Variants in RFX1 observed in about 807,000 individuals in gnomAD.
RFX1 encodes the protein MHC class II regulatory factor RFX1.
A neutral mutation model predicts 119.6 loss-of-function variants in RFX1; 42 were observed. The observed-to-expected ratio is 0.35, with a 90% CI of 0.27 to 0.45. The LOEUF (loss-of-function observed/expected upper bound fraction) is 0.45. Among genes scored for constraint, RFX1 ranks in the 20% least tolerant of loss-of-function variants. RFX1 has a pLI of 1.00. For missense variants in RFX1, 1,118 were observed against 1,368.1 expected, an observed-to-expected ratio of 0.82 and a Z score of 2.88; for synonymous variants, 628 against 618.5, an observed-to-expected ratio of 1.02 and a Z score of -0.23.
At chr19:13,978,406 G>A (rs1974319858) in intron 7 of RFX1, among the ~76,000 whole-genome samples, 1 of 152,206 alleles carries the variant, frequency 6.6e-6, no homozygotes, top group African/African-American at 2.4e-5. Context: ...GCTATCGCTG[G>A]AGCCATGGAG....
Position 13,965,764 on chromosome 19 carries a change from C to T in RFX1, c.1975G>A (p.Glu659Lys), listed in dbSNP as rs376479334. ...AGGATGGCTTTGGGCAGTCGCTTCT[C>T]GGCCTCGTCATGTCTGCGGGCACCC... ...APPLAVHDEA[E>K]KRLPKAILVL... The change falls in exon 15 of 21, where the codon GAG becomes AAG. Residue 659 changes from glutamate to lysine, a missense_variant. Coordinates refer to ENST00000254325, the MANE Select transcript of RFX1 (RefSeq NM_002918.5). The surrounding 1 kb of genome is among the most constrained non-coding windows in gnomAD (Gnocchi z 4.7). The T allele has an allele frequency of 9.3e-6, 15 of 1,613,544 alleles. No individual in the cohort carries two copies. Among genetic ancestry groups the T allele is most frequent in the African/African-American group, 1.3e-5 (1 of 74,874 alleles).
At chr19:13,962,895 G>A (rs377574659) in intron 20 of RFX1, 31 bp from the exon 21 acceptor site, 2 of 1,537,452 alleles carry the variant, frequency 1.3e-6, no homozygotes, top group Non-Finnish European at 8.8e-7. Flanking sequence ...CCGGCTCGGG[G>A]CGGGGTGGCA....
Position 13,980,578 on chromosome 19 carries a change from G to T in RFX1, c.733C>A (p.Gln245Lys), listed in dbSNP as rs867693847. 6.4e-7 allele frequency: 1 copy of T among 1,567,014 alleles called. No homozygotes were observed. ...HGVQQSVPVT[Q>K]ERSVVQATPQ... ...TGCCCGCCTTGGCCTGGCACCTCTTGGGTGACGGGGACACTCTGCTGGACG... is the reference window on the plus strand; with the variant it reads ...TGCCCGCCTTGGCCTGGCACCTCTTTGGTGACGGGGACACTCTGCTGGACG... Residue 245 changes from glutamine (Q) to lysine (K), a missense_variant, in exon 6 of 21, where the codon CAA becomes AAA. Coordinates refer to ENST00000254325, the MANE Select transcript of RFX1 (RefSeq NM_002918.5). This position sits in a 1 kb window ranked among gnomAD's most constrained non-coding sequence, Gnocchi z 5.1.
rs750340185 is a variant in RFX1 at position 13,972,881 on chromosome 19, CCCGCCG to C, written c.1170_1175del (p.Gly398_Gly399del). On this transcript the variant is annotated inframe_deletion, in exon 9 of 21. Transcript: ENST00000254325. ...CACTGCCACCCCCGCCACCGCCTCC[CCCGCCG>C]CCGCCGCCACCACCACTGCCACCAC... The C allele has an allele frequency of 1.9e-6, 3 of 1,557,936 alleles. No homozygotes were observed. The highest frequency in any genetic ancestry group is 1.2e-5 in the South Asian group (1 of 86,024).
chr19:13,967,076 C>T (rs1159094490), intron 12 of RFX1, among the ~76,000 whole-genome samples: 4 of 152,232 alleles, frequency 2.6e-5, no homozygotes, highest in Admixed American at 1.3e-4. Flanking sequence ...GCACCCAGGG[C>T]ACAGTCAGGA....
At chr19:13,972,592 T>G (rs1442443944) in intron 9 of RFX1, 151 bp downstream of exon 9, 1 of 625,954 alleles carries the variant, frequency 1.6e-6, no homozygotes, top group Admixed American at 3.1e-5. Context: ...CACACAGCAT[T>G]CAATCCCAGG....
In RFX1 at chr19:13,986,638, C is replaced by T. The variant is rs73924098; in HGVS notation, c.320-3043G>A. Among the ~76,000 whole-genome samples, 1,991 of 152,242 alleles carry T rather than the reference C, an allele frequency of 0.013. 50 individuals are homozygous for T. Among genetic ancestry groups the T allele is most frequent in the African/African-American group, 0.045 (1,880 of 41,526 alleles). Reference sequence around the variant, plus strand: ...GCCGGAGATCGCCACTCTGGGCATGCGCAGGAGGCCAGGGAGGCCCCCACT... The same window carrying T: ...GCCGGAGATCGCCACTCTGGGCATGTGCAGGAGGCCAGGGAGGCCCCCACT... On this transcript the variant is annotated intron_variant, in intron 2 of 20. Coordinates refer to ENST00000254325, the MANE Select transcript of RFX1 (RefSeq NM_002918.5). The surrounding 1 kb of genome is among the most constrained non-coding windows in gnomAD (Gnocchi z 4.2).
Position 13,963,208 on chromosome 19 carries a change from G to A in RFX1, c.2638C>T (p.Leu880=), listed in dbSNP as rs1471709244. The change falls in exon 19 of 21, where the codon CTG becomes TTG. Residue 880 remains leucine, a synonymous_variant. Transcript: ENST00000254325. ...TAGTACATGTACTCGTCGTAGAGCAGCCGGATGAGGTGGAAGGAACCGAAG... is the reference window on the plus strand; with the variant it reads ...TAGTACATGTACTCGTCGTAGAGCAACCGGATGAGGTGGAAGGAACCGAAG... ...ASFGSFHLIR[L]LYDEYMYYLI... is the part of the protein sequence containing the mutation. 3 of 1,612,802 alleles carry A rather than the reference G, an allele frequency of 1.9e-6. No homozygotes were observed. Among genetic ancestry groups the A allele is most frequent in the South Asian group, 1.1e-5 (1 of 91,086 alleles).
chr19:13,972,113 G>C (rs1974101533), intron 9 of RFX1, among the ~76,000 whole-genome samples: 1 of 148,884 alleles, frequency 6.7e-6, no homozygotes, highest in African/African-American at 2.5e-5. Context: ...AGGCTGCAGT[G>C]AGCTATGATT....
intron 1 of RFX1, among the ~76,000 whole-genome samples, chr19:14,000,440 T>C: frequency 6.6e-6 from 1 of 151,854 alleles, no homozygotes; most frequent in East Asian, 1.9e-4. Flanking sequence ...TGAGCTGAGA[T>C]TGTGCCACTG....
intron 1 of RFX1, among the ~76,000 whole-genome samples, chr19:13,994,116 C>G (rs1974906256): frequency 6.6e-6 from 1 of 152,014 alleles, no homozygotes; most frequent in Non-Finnish European, 1.5e-5. Flanking sequence ...TGGAGCCCCA[C>G]TCCGCACCCC....
At position 13,980,450 on chromosome 19, in the gene RFX1, G is replaced by A. The variant is rs560542679; in HGVS notation, c.738+123C>T. 15 of 611,146 alleles carry A rather than the reference G, an allele frequency of 2.5e-5. No individual in the cohort carries two copies. Among genetic ancestry groups the A allele is most frequent in the Non-Finnish European group, 4.3e-5 (15 of 349,234 alleles). The allele number at this position is 611,146 out of a possible 1,614,324, so 37.9% of individuals were successfully genotyped here. ...GAGATGCTTATCAAAGGCCAGGGTG[G>A]CAGGCTGGGGCTGGACCCACATGGG... On this transcript the variant is annotated intron_variant, in intron 6 of 20. Coordinates refer to ENST00000254325, the MANE Select transcript of RFX1 (RefSeq NM_002918.5). This position sits in a 1 kb window ranked among gnomAD's most constrained non-coding sequence, Gnocchi z 5.1.
rs1025774298 is a variant in RFX1, at chr19:13,990,841, G to A, written c.319+2684C>T. ...CAAAGAAAAAAAAAAAAATTACCTG[G>A]GTGTGGTGGCACATGCCTATAGTCC... is the stretch of plus-strand genomic sequence containing the variant. On this transcript the variant is annotated intron_variant, in intron 2 of 20. Coordinates refer to ENST00000254325, the MANE Select transcript of RFX1 (RefSeq NM_002918.5). The surrounding 1 kb of genome is among the most constrained non-coding windows in gnomAD (Gnocchi z 4.1). Among the ~76,000 whole-genome samples, 7 of 151,822 alleles carry A rather than the reference G, an allele frequency of 4.6e-5. No homozygotes were observed. Among genetic ancestry groups the A allele is most frequent in the Non-Finnish European group, 1.0e-4 (7 of 67,952 alleles).
chr19:13,993,485 T>G (rs1171509215), intron 2 of RFX1, 40 bp downstream of exon 2: 2 of 1,579,166 alleles, frequency 1.3e-6, no homozygotes, highest in Admixed American at 3.5e-5. Context: ...TCTGAACAAC[T>G]CTGAGAGGAG....
chr19:13,974,478 T>C (rs754101795), intron 8 of RFX1, among the ~76,000 whole-genome samples: 1 of 152,070 alleles, frequency 6.6e-6, no homozygotes, highest in African/African-American at 2.4e-5. Flanking sequence ...TGGAATCCTA[T>C]GCAGGGGTGA....
chr19:13,968,596 G>A lies in RFX1; in HGVS notation c.1701C>T (p.Ser567=), dbSNP rs755643451. The part of the protein sequence containing the change: ...QQPSTGLSDI[S]AQVQQYQQFL... ...ATTGCTGGTACTGCTGCACCTGGGC[G>A]CTGATGTCCGACAGCCCCGTGCTCG... is the stretch of plus-strand genomic sequence containing the variant. The change falls in exon 12 of 21, where the codon AGC becomes AGT. Residue 567 remains serine (S), a synonymous_variant. Coordinates refer to ENST00000254325, the MANE Select transcript of RFX1 (RefSeq NM_002918.5). The surrounding 1 kb of genome is among the most constrained non-coding windows in gnomAD (Gnocchi z 5.5). 9.9e-6 allele frequency: 16 copies of A among 1,613,252 alleles called. No individual in the cohort carries two copies. Among genetic ancestry groups the A allele is most frequent in the Admixed American group, 6.7e-5 (4 of 60,012 alleles).
At chr19:13,992,474 G>A (rs1471071732) in intron 2 of RFX1, among the ~76,000 whole-genome samples, 6 of 152,192 alleles carry the variant, frequency 3.9e-5, no homozygotes, top group East Asian at 1.9e-4. Flanking sequence ...CAGGTCCTGC[G>A]TGCCTTAGCT....
chr19:13,980,088 T>A lies in RFX1; in HGVS notation c.738+485A>T, dbSNP rs1974380619. Among the ~76,000 whole-genome samples, 1 of 152,056 alleles carries A rather than the reference T, an allele frequency of 6.6e-6. No homozygotes were observed. Among genetic ancestry groups the A allele is most frequent in the African/African-American group, 2.4e-5 (1 of 41,386 alleles). On this transcript the variant is annotated intron_variant, in intron 6 of 20. Coordinates refer to ENST00000254325, the MANE Select transcript of RFX1 (RefSeq NM_002918.5). This position sits in a 1 kb window ranked among gnomAD's most constrained non-coding sequence, Gnocchi z 5.1. ...GAAGGGTCTATGGATTTCATCTGTT[T>A]TTTCAAGGGGCTTGGAACCCCCTCA... is the stretch of plus-strand genomic sequence containing the variant.
Position 13,962,538 on chromosome 19 carries a change from C to G in RFX1, c.*157G>C, listed in dbSNP as rs1310184955. The G allele has an allele frequency of 1.6e-6, 1 of 616,640 alleles. No homozygotes were observed. Among genetic ancestry groups the G allele is most frequent in the Non-Finnish European group, 2.7e-6 (1 of 371,142 alleles). 38.2% of individuals were successfully genotyped at this position (616,640 alleles called of 1,614,324 possible). The stretch of plus-strand genomic sequence containing the variant: ...GCTCCGCCCAGCCCACTGATTGTGC[C>G]GGCCCCATAAGGGAGGAGGGCCCCG... On this transcript the variant is annotated 3_prime_UTR_variant, in exon 21 of 21. Transcript: ENST00000254325.
Sources: allele counts gnomAD v4.1 joint callset (sites outside exome capture counted in the v4.1 genomes callset), GRCh38; gene constraint gnomAD v4.1.1; non-coding constraint Gnocchi (gnomAD v3.1); transcripts MANE v1.5; gene names NCBI Gene and HGNC (gene_info 2026-07-23, HGNC 2026-07-21).